Variants in CRY1 observed in about 807,000 individuals in gnomAD.
The protein encoded by CRY1 is cryptochrome circadian regulator 1.
Under a neutral mutation model 76.0 loss-of-function variants are expected in CRY1, and 45 were observed. The observed-to-expected ratio is 0.59, with a 90% CI of 0.47 to 0.76. The LOEUF (loss-of-function observed/expected upper bound fraction) is 0.76, where lower values mean the gene tolerates loss of function less well. Ranked by LOEUF, CRY1 falls within the 30% of genes least tolerant of loss-of-function variation. CRY1 has a pLI of 0.00. For missense variants in CRY1, 587 were observed against 716.4 expected (o/e 0.82, Z 2.06); for synonymous variants, 248 against 244.0 (o/e 1.02, Z -0.15).
At chr12:107,020,137 T>C (rs1328168481) in intron 2 of CRY1, among the ~76,000 whole-genome samples, 1 of 151,968 alleles carries the variant, frequency 6.6e-6, no homozygotes, top group Non-Finnish European at 1.5e-5. Context: ...GTGAACCCTC[T>C]TTATTGAATG....
In CRY1 at chr12:106,997,939, G is replaced by C; in HGVS notation, c.1265C>G (p.Thr422Arg). The C allele has an allele frequency of 6.2e-7, 1 of 1,614,044 alleles. No individual in the cohort carries two copies. The highest frequency in any genetic ancestry group is 8.5e-7 in the Non-Finnish European group (1 of 1,179,984). Residue 422 changes from threonine to arginine, a missense_variant, in exon 8 of 13, where the codon ACA becomes AGA. Thr to Arg is a moderately conservative substitution (Grantham distance 71). Transcript: ENST00000008527. Reference protein sequence around the residue: ...CYCPVGFGRRTDPNGDYIRRY... With the variant: ...CYCPVGFGRRRDPNGDYIRRY... ...CCTGATATAGTCTCCATTGGGATCT[G>C]TTCTCCTACCAAAACCAACAGGGCA...
intron 1 of CRY1, among the ~76,000 whole-genome samples, chr12:107,067,867 A>C (rs1953131189): frequency 6.6e-6 from 1 of 152,202 alleles, no homozygotes; most frequent in Admixed American, 6.5e-5. Flanking sequence ...ATGGGCCATA[A>C]GGCAGTCAGT....
At chr12:106,995,411 A>C (rs1952223212) in intron 10 of CRY1, among the ~76,000 whole-genome samples, 1 of 152,168 alleles carries the variant, frequency 6.6e-6, no homozygotes, top group Non-Finnish European at 1.5e-5. Flanking sequence ...AGAACATCTG[A>C]CTTAAAAAAG....
intron 2 of CRY1, among the ~76,000 whole-genome samples, chr12:107,017,570 TTAGA>T (rs1952510753): frequency 6.6e-6 from 1 of 152,160 alleles, no homozygotes; most frequent in Admixed American, 6.5e-5. Flanking sequence ...CCTCCCAAAG[TTAGA>T]TATTCTACCC....
chr12:107,089,029 T>G (rs186085087), intron 1 of CRY1, among the ~76,000 whole-genome samples: 1 of 152,212 alleles, frequency 6.6e-6, no homozygotes, highest in Non-Finnish European at 1.5e-5. Flanking sequence ...TTCTTTCGTT[T>G]AGTTTGTTTT....
intron 1 of CRY1, among the ~76,000 whole-genome samples, chr12:107,029,018 A>T (rs776885617): frequency 7.2e-5 from 11 of 152,232 alleles, no homozygotes; most frequent in Non-Finnish European, 1.2e-4. Context: ...CACTTACATT[A>T]AACATCTGGA....
chr12:107,008,542 A>G (rs1371821969), intron 2 of CRY1, among the ~76,000 whole-genome samples: 1 of 152,246 alleles, frequency 6.6e-6, no homozygotes, highest in African/African-American at 2.4e-5. Flanking sequence ...CACTGGCTAG[A>G]CTTCAAGTAA....
chr12:107,051,133 G>A (rs1013632857), intron 1 of CRY1, among the ~76,000 whole-genome samples: 6 of 152,164 alleles, frequency 3.9e-5, no homozygotes, highest in South Asian at 2.1e-4. Flanking sequence ...AATTACATGC[G>A]TTTACACATT....
At chr12:107,000,802 ACC>A (rs2136822715) in intron 5 of CRY1, among the ~76,000 whole-genome samples, 1 of 151,218 alleles carries the variant, frequency 6.6e-6, no homozygotes, top group Non-Finnish European at 1.5e-5. Flanking sequence ...GGCACACACC[ACC>A]ACCCTGGCTA....
At chr12:106,995,641 CTTTTTTT>C (rs1952225925) in intron 10 of CRY1, among the ~76,000 whole-genome samples, 1 of 151,520 alleles carries the variant, frequency 6.6e-6, no homozygotes, top group Non-Finnish European at 1.5e-5. Flanking sequence ...TTTCTTTTTT[CTTTTTTT>C]TCCCTTCAAT....
chr12:107,011,183 A>AAAAC (rs778769879), intron 2 of CRY1, among the ~76,000 whole-genome samples: 14 of 152,114 alleles, frequency 9.2e-5, no homozygotes, highest in African/African-American at 1.9e-4. Context: ...GTCTCTACTA[A>AAAAC]AAACAAACAA....
At chr12:107,089,695 CT>C (rs1490798627) in intron 1 of CRY1, among the ~76,000 whole-genome samples, 2 of 152,134 alleles carry the variant, frequency 1.3e-5, no homozygotes, top group African/African-American at 2.4e-5. Context: ...GGTTTTCCCC[CT>C]GGAGTTGAAA....
intron 2 of CRY1, among the ~76,000 whole-genome samples, chr12:107,009,555 CAAAAAA>C (rs201692464): frequency 6.2e-5 from 2 of 32,152 alleles, no homozygotes; most frequent in African/African-American, 1.4e-4. Flanking sequence ...AACAAAAAAA[CAAAAAA>C]ACATATATAT....
chr12:107,081,582 T>C (rs981389139), intron 1 of CRY1, among the ~76,000 whole-genome samples: 2 of 152,196 alleles, frequency 1.3e-5, no homozygotes, highest in Middle Eastern at 3.4e-3. Context: ...CAATACTGTA[T>C]ACCCAGCATC....
chr12:107,013,355 C>T (rs1301872233), intron 2 of CRY1, among the ~76,000 whole-genome samples: 1 of 152,204 alleles, frequency 6.6e-6, no homozygotes, highest in African/African-American at 2.4e-5. Context: ...TAGATGATCA[C>T]TAGCATTTTT....
chr12:107,089,514 T>A (rs890611040), intron 1 of CRY1, among the ~76,000 whole-genome samples: 3 of 152,014 alleles, frequency 2.0e-5, no homozygotes, highest in Admixed American at 6.6e-5. Context: ...TTTTTTTTTT[T>A]AAATATAAAA....
chr12:107,049,289 T>A (rs1250235876), intron 1 of CRY1, among the ~76,000 whole-genome samples: 1 of 152,220 alleles, frequency 6.6e-6, no homozygotes, highest in African/African-American at 2.4e-5. Context: ...GACTTTTGCA[T>A]TAAGGAAAAA....
At chr12:107,078,151 T>A (rs769939426) in intron 1 of CRY1, among the ~76,000 whole-genome samples, 1 of 152,186 alleles carries the variant, frequency 6.6e-6, no homozygotes, top group African/African-American at 2.4e-5. Context: ...CAGAAAACAT[T>A]TGTACTGCTT....
intron 1 of CRY1, chr12:107,049,692 T>C (rs1952895201): frequency 6.6e-6 from 1 of 152,222 alleles, no homozygotes; most frequent in Non-Finnish European, 1.5e-5. Flanking sequence ...TCTTATTATC[T>C]GTGTAACTCT....
Sources: allele counts gnomAD v4.1 joint callset (sites outside exome capture counted in the v4.1 genomes callset), GRCh38; gene constraint gnomAD v4.1.1; transcripts MANE v1.5; gene names NCBI Gene and HGNC (gene_info 2026-07-23, HGNC 2026-07-21).